Variants in EPHA7 observed in about 807,000 individuals in gnomAD.
EPHA7 encodes the protein EPH receptor A7.
Under a neutral mutation model 112.6 loss-of-function variants are expected in EPHA7, and 25 were observed. That is an observed-to-expected ratio of 0.22 (90% CI 0.16 to 0.31). The LOEUF is 0.31. Among genes scored for constraint, EPHA7 ranks in the 10% least tolerant of loss-of-function variants. The probability of loss-of-function intolerance (pLI) is 1.00; values close to 1 mark genes in which losing one functional copy is unlikely to be tolerated. For missense variants in EPHA7, 962 were observed against 1,212.6 expected (o/e 0.79, Z 3.07); for synonymous variants, 437 against 406.5 (o/e 1.07, Z -0.90).
chr6:93,284,081 A>G (rs1387921476), intron 5 of EPHA7, among the ~76,000 whole-genome samples: 1 of 152,210 alleles, frequency 6.6e-6, no homozygotes, highest in Non-Finnish European at 1.5e-5. Context: ...AAAGTTCTCA[A>G]TAATGGTTGA....
intron 5 of EPHA7, among the ~76,000 whole-genome samples, chr6:93,299,936 A>C (rs1772888106): frequency 6.6e-6 from 1 of 152,164 alleles, no homozygotes; most frequent in South Asian, 2.1e-4. Context: ...GAACTCATGG[A>C]CACAAATAGG....
At chr6:93,280,954 C>T (rs572781885) in intron 5 of EPHA7, among the ~76,000 whole-genome samples, 3 of 152,104 alleles carry the variant, frequency 2.0e-5, no homozygotes, top group African/African-American at 7.2e-5. Context: ...ATAAAGCTGA[C>T]GGACAGCTGA....
At chr6:93,389,955 A>G (rs1218035109) in intron 3 of EPHA7, among the ~76,000 whole-genome samples, 1 of 151,980 alleles carries the variant, frequency 6.6e-6, no homozygotes, top group Non-Finnish European at 1.5e-5. Flanking sequence ...CAGTTTGTAA[A>G]AGATTGTCAG....
intron 3 of EPHA7, among the ~76,000 whole-genome samples, chr6:93,371,709 T>C (rs1776808085): frequency 6.6e-6 from 1 of 152,336 alleles, no homozygotes; most frequent in East Asian, 1.9e-4. Context: ...TAGAATATAA[T>C]GATTGATTCT....
At chr6:93,402,861 G>A (rs917566544) in intron 3 of EPHA7, among the ~76,000 whole-genome samples, 2 of 151,946 alleles carry the variant, frequency 1.3e-5, no homozygotes, top group Admixed American at 6.6e-5. Context: ...TATAGAAAAT[G>A]TTAGCAGGCT....
rs773680518 is a variant in EPHA7 at position 93,246,808 on chromosome 6, G to C, written c.2710C>G (p.Leu904Val). ...IRNPNSLKTP[L>V]GTCSRPISPL... Reference sequence around the variant, plus strand: ...ATTTCTTACCTACTACAAGTTCCCAGGGGAGTTTTCAGACTATTTGGGTTT... The same window carrying C: ...ATTTCTTACCTACTACAAGTTCCCACGGGAGTTTTCAGACTATTTGGGTTT... The change falls in exon 15 of 17, where the codon CTG becomes GTG. Residue 904 changes from leucine to valine, a missense_variant. Physicochemically the swap from Leu to Val is conservative, Grantham distance 32 (BLOSUM62 1). Around this residue, in one of 3 missense-constraint regions of EPHA7, gnomAD observed 746 missense variants for 889.2 expected, o/e 0.84. Transcript: ENST00000369303. 5.0e-6 allele frequency: 8 copies of C among 1,607,312 alleles called. No homozygotes were observed. Among genetic ancestry groups the C allele is most frequent in the Non-Finnish European group, 6.8e-6 (8 of 1,174,322 alleles).
chr6:93,399,155 A>G (rs564158), intron 3 of EPHA7, among the ~76,000 whole-genome samples: 41,929 of 151,992 alleles, frequency 0.28, 7,129 homozygotes, highest in African/African-American at 0.49. Context: ...CTGCTCCTGC[A>G]CAAATCTTCA....
intron 5 of EPHA7, among the ~76,000 whole-genome samples, chr6:93,297,696 A>G (rs1400622116): frequency 6.6e-6 from 1 of 152,112 alleles, no homozygotes; most frequent in Non-Finnish European, 1.5e-5. Context: ...CTTGTCAGCA[A>G]TAGCACTTAG....
chr6:93,326,595 A>T (rs2127893970), intron 5 of EPHA7, among the ~76,000 whole-genome samples: 1 of 151,590 alleles, frequency 6.6e-6, no homozygotes, highest in Middle Eastern at 3.4e-3. Flanking sequence ...ACTGAAAGGT[A>T]AGGTCTCTCC....
rs190904569 is a variant in EPHA7 at position 93,397,363 on chromosome 6, A to G, written c.832+13138T>C. Among the ~76,000 whole-genome samples the G allele has an allele frequency of 3.6e-3, 547 of 152,030 alleles. 7 individuals carry two copies. The highest frequency in any genetic ancestry group is 6.1e-3 in the Non-Finnish European group (411 of 67,874). On this transcript the variant is annotated intron_variant, in intron 3 of 16. Coordinates refer to ENST00000369303, the MANE Select transcript of EPHA7 (RefSeq NM_004440.4). ...CTATAAAACAGAGTAAACAAAATCAAAATTCTTCTTCCAATATGGGAGCCA... is the reference window on the plus strand; with the variant it reads ...CTATAAAACAGAGTAAACAAAATCAGAATTCTTCTTCCAATATGGGAGCCA...
At chr6:93,311,114 ATTTTTTTTTT>A (rs71542009) in intron 5 of EPHA7, among the ~76,000 whole-genome samples, 11 of 78,510 alleles carry the variant, frequency 1.4e-4, no homozygotes, top group Admixed American at 4.7e-4. Context: ...ATGCCCAGCT[ATTTTTTTTTT>A]TTTTTTTTTT....
chr6:93,398,050 A>G (rs1374400020), intron 3 of EPHA7, among the ~76,000 whole-genome samples: 1 of 151,952 alleles, frequency 6.6e-6, no homozygotes, highest in East Asian at 1.9e-4. Context: ...AAAATCCTTA[A>G]AAACTAAAGA....
chr6:93,403,803 T>G (rs1778552539), intron 3 of EPHA7, among the ~76,000 whole-genome samples: 1 of 151,510 alleles, frequency 6.6e-6, no homozygotes, highest in Admixed American at 6.6e-5. Flanking sequence ...AAAAACAAGA[T>G]AGATTAAGAA....
At chr6:93,352,744 A>AC (rs1252995434) in intron 5 of EPHA7, among the ~76,000 whole-genome samples, 1 of 152,162 alleles carries the variant, frequency 6.6e-6, no homozygotes, top group East Asian at 1.9e-4. Context: ...ACTATGGAAT[A>AC]CTACACAGCC....
At chr6:93,257,669 T>A in intron 11 of EPHA7, 146 bp from the exon 12 acceptor site, 1 of 599,042 alleles carries the variant, frequency 1.7e-6, no homozygotes, top group East Asian at 2.9e-5. Context: ...GCTGCTAAGC[T>A]CAAAAAGTCA....
At chr6:93,386,817 C>T (rs1777630476) in intron 3 of EPHA7, among the ~76,000 whole-genome samples, 1 of 152,150 alleles carries the variant, frequency 6.6e-6, no homozygotes, top group African/African-American at 2.4e-5. Flanking sequence ...TTGTGGCTTG[C>T]ATCCTCCAAA....
chr6:93,418,528 A>C (rs1779357745), intron 1 of EPHA7, among the ~76,000 whole-genome samples: 2 of 152,200 alleles, frequency 1.3e-5, no homozygotes, highest in Admixed American at 1.3e-4. Context: ...GGCCCGACCA[A>C]GCCCGCTGGG....
intron 16 of EPHA7, 132 bp from the exon 17 acceptor site, chr6:93,243,672 T>C: frequency 4.7e-6 from 3 of 638,730 alleles, no homozygotes; most frequent in East Asian, 2.7e-5. Context: ...TTGGGTATTA[T>C]GATCACACCC....
rs1778926138 is a variant in EPHA7, at chr6:93,410,538, G to A, written c.795C>T (p.Cys265=). Reference sequence around the variant, plus strand: ...CTCCTTTTTGCTGGTAGCCTGCTTTGCAGATACATTTTCCAATGGGCACTA... The same window carrying A: ...CTCCTTTTTGCTGGTAGCCTGCTTTACAGATACATTTTCCAATGGGCACTA... ...EWLVPIGKCI[C]KAGYQQKGDT... Residue 265 remains cysteine, a synonymous_variant, in exon 3 of 17, where the codon TGC becomes TGT. Transcript: ENST00000369303. The surrounding 1 kb of genome is among the most constrained non-coding windows in gnomAD (Gnocchi z 4.0). 1 of 1,613,864 alleles carries A rather than the reference G, an allele frequency of 6.2e-7. No individual in the cohort carries two copies. Among genetic ancestry groups the A allele is most frequent in the Non-Finnish European group, 8.5e-7 (1 of 1,179,850 alleles).
Sources: gnomAD v4.1 joint callset for allele counts (sites outside exome capture counted in the v4.1 genomes callset) on GRCh38, gnomAD v4.1.1 for gene constraint, gnomAD v4.1.1 regional missense constraint, Gnocchi (gnomAD v3.1) non-coding constraint, MANE v1.5 for transcripts, NCBI Gene and HGNC (gene_info 2026-07-23, HGNC 2026-07-21) for gene names.